PLCB4: variants seen among roughly 807,000 people sequenced by gnomAD.
PLCB4 encodes the protein phospholipase C beta 4.
Under a neutral mutation model 178.8 loss-of-function variants are expected in PLCB4, and 77 were observed. That is an observed-to-expected ratio of 0.43 (90% CI 0.36 to 0.52). The LOEUF (loss-of-function observed/expected upper bound fraction) is 0.52. PLCB4 is among the 20% of genes least tolerant of loss of function. PLCB4 has a pLI of 0.00. For missense variants in PLCB4, 1,024 were observed against 1,453.4 expected, an observed-to-expected ratio of 0.70 and a Z score of 4.80; for synonymous variants, 496 against 490.8, an observed-to-expected ratio of 1.01 and a Z score of -0.14.
chr20:9,447,577 A>T (rs2042491582), intron 32 of PLCB4, among the ~76,000 whole-genome samples: 1 of 152,234 alleles, frequency 6.6e-6, no homozygotes, highest in Non-Finnish European at 1.5e-5. Flanking sequence ...TGGCCTTATG[A>T]GGTCTCTACC....
intron 12 of PLCB4, among the ~76,000 whole-genome samples, chr20:9,378,803 C>G (rs1038972193): frequency 4.6e-5 from 7 of 151,842 alleles, no homozygotes; most frequent in African/African-American, 1.7e-4. Flanking sequence ...AGGAGGGGAC[C>G]CAGAAAAGGC....
At chr20:9,421,175 C>T (rs2040606137) in intron 26 of PLCB4, 122 bp from the exon 27 acceptor site, 2 of 677,630 alleles carry the variant, frequency 3.0e-6, no homozygotes, top group East Asian at 2.7e-5. Context: ...TACATTATTG[C>T]CATAGATAAT....
intron 3 of PLCB4, chr20:9,280,481 G>T: frequency 1.0e-6 from 1 of 983,172 alleles, no homozygotes; most frequent in Non-Finnish European, 1.2e-6. Context: ...AAGGAGGTGG[G>T]TGTCTCTGTC....
intron 2 of PLCB4, among the ~76,000 whole-genome samples, chr20:9,098,882 C>T (rs1320824364): frequency 6.7e-6 from 1 of 149,214 alleles, no homozygotes; most frequent in African/African-American, 2.5e-5. Flanking sequence ...AGTTGAGGAG[C>T]CTTTTCAAGA....
At chr20:9,390,442 G>A (rs1288539093) in intron 16 of PLCB4, 89 bp from the exon 17 acceptor site, 4 of 621,234 alleles carry the variant, frequency 6.4e-6, no homozygotes, top group Non-Finnish European at 8.9e-6. Flanking sequence ...TGCCAAGTGA[G>A]AATCTTTAAT....
At chr20:9,113,585 T>C (rs1390595767) in intron 2 of PLCB4, among the ~76,000 whole-genome samples, 2 of 152,220 alleles carry the variant, frequency 1.3e-5, no homozygotes, top group Non-Finnish European at 2.9e-5. Flanking sequence ...TTTAATTACC[T>C]TTGTGGAGTA....
chr20:9,423,466 G>T (rs1444223453), intron 27 of PLCB4, among the ~76,000 whole-genome samples: 1 of 152,120 alleles, frequency 6.6e-6, no homozygotes, highest in East Asian at 1.9e-4. Flanking sequence ...TATGGGTGGG[G>T]ACAAGGATCA....
rs184858107 is a variant in PLCB4, at chr20:9,154,706, T to C, written c.-79+58364T>C. On this transcript the variant is annotated intron_variant, in intron 2 of 39. Coordinates refer to ENST00000378473, the MANE Select transcript of PLCB4 (RefSeq NM_001377142.1). ...AGCTACAACATTTTCCACATTTATTTGACCACCTCTCCCACAACCCTCTCC... is the reference window on the plus strand; with the variant it reads ...AGCTACAACATTTTCCACATTTATTCGACCACCTCTCCCACAACCCTCTCC... 1.5e-4 allele frequency among the ~76,000 whole-genome samples: 23 copies of C among 152,090 alleles called. No homozygotes were observed. The East Asian group carries it at 3.3e-3, about 22-fold the overall frequency.
At chr20:9,127,552 G>T (rs2092148045) in intron 2 of PLCB4, among the ~76,000 whole-genome samples, 2 of 151,940 alleles carry the variant, frequency 1.3e-5, no homozygotes. Flanking sequence ...GATCTTTGAG[G>T]TAGGTCTTTG....
At chr20:9,214,560 GACACAC>G (rs11474652) in intron 2 of PLCB4, among the ~76,000 whole-genome samples, 11 of 145,596 alleles carry the variant, frequency 7.6e-5, no homozygotes, top group South Asian at 2.2e-4. Context: ...AAACACCCCA[GACACAC>G]ACACACACAC....
intron 35 of PLCB4, among the ~76,000 whole-genome samples, chr20:9,461,480 G>T (rs995528753): frequency 6.6e-6 from 1 of 152,208 alleles, no homozygotes; most frequent in African/African-American, 2.4e-5. Flanking sequence ...AGCACAAGGG[G>T]TCAGGGGACT....
At chr20:9,439,551 A>T (rs1346931854) in intron 30 of PLCB4, among the ~76,000 whole-genome samples, 1 of 152,174 alleles carries the variant, frequency 6.6e-6, no homozygotes, top group Non-Finnish European at 1.5e-5. Context: ...CTGCTGAGAA[A>T]CGTAGAGGTA....
intron 3 of PLCB4, among the ~76,000 whole-genome samples, chr20:9,302,683 A>G (rs1467299820): frequency 6.6e-6 from 1 of 152,106 alleles, no homozygotes; most frequent in African/African-American, 2.4e-5. Flanking sequence ...TCACCTCCAA[A>G]GTTCTTCATA....
At chr20:9,413,628 C>G (rs1006064638) in intron 25 of PLCB4, among the ~76,000 whole-genome samples, 3 of 145,744 alleles carry the variant, frequency 2.1e-5, no homozygotes, top group Non-Finnish European at 3.0e-5. Flanking sequence ...CACTGCACTC[C>G]AGCCTGGGTG....
chr20:9,354,386 C>T (rs948412695), intron 7 of PLCB4, among the ~76,000 whole-genome samples: 1 of 152,214 alleles, frequency 6.6e-6, no homozygotes, highest in Non-Finnish European at 1.5e-5. Flanking sequence ...TGGCCACCTA[C>T]ACACCCCCTT....
intron 7 of PLCB4, among the ~76,000 whole-genome samples, chr20:9,349,374 T>C (rs1434886388): frequency 6.6e-6 from 1 of 152,216 alleles, no homozygotes; most frequent in Non-Finnish European, 1.5e-5. Context: ...TATATGCAGT[T>C]GGACTCATGC....
chr20:9,461,266 A>C (rs1387606781), intron 35 of PLCB4, among the ~76,000 whole-genome samples: 1 of 152,228 alleles, frequency 6.6e-6, no homozygotes, highest in Non-Finnish European at 1.5e-5. Context: ...AAATACTTTA[A>C]AAAATAAATC....
chr20:9,398,051 C>G (rs1940063661), intron 19 of PLCB4, among the ~76,000 whole-genome samples: 1 of 152,162 alleles, frequency 6.6e-6, no homozygotes, highest in Admixed American at 6.5e-5. Flanking sequence ...CATAGTATCC[C>G]TGTGGCCTCT....
chr20:9,462,115 G>C (rs1309283024), intron 35 of PLCB4, among the ~76,000 whole-genome samples: 1 of 152,186 alleles, frequency 6.6e-6, no homozygotes, highest in African/African-American at 2.4e-5. Flanking sequence ...TGATACCCAG[G>C]CAAACAGGGT....
Sources: allele counts gnomAD v4.1 joint callset (sites outside exome capture counted in the v4.1 genomes callset), GRCh38; gene constraint gnomAD v4.1.1; transcripts MANE v1.5; gene names NCBI Gene and HGNC (gene_info 2026-07-23, HGNC 2026-07-21).